The following DENND4C variants were observed in gnomAD, a reference collection of about 807,000 sequenced individuals.
The protein encoded by DENND4C is DENN domain containing 4C.
A neutral mutation model predicts 203.0 loss-of-function variants in DENND4C; 108 were observed. The ratio of observed to expected loss-of-function variants is 0.53; its 90% CI spans 0.46 to 0.62. The LOEUF (loss-of-function observed/expected upper bound fraction) is 0.62. DENND4C is among the 20% of genes least tolerant of loss of function. DENND4C has a pLI of 0.00. For missense variants in DENND4C, 2,481 were observed against 2,301.2 expected (o/e 1.08, Z -1.60); for synonymous variants, 871 against 792.4 (o/e 1.10, Z -1.67).
chr9:19,233,676 T>C (rs1299277283), intron 1 of DENND4C, among the ~76,000 whole-genome samples: 1 of 149,644 alleles, frequency 6.7e-6, no homozygotes, highest in Non-Finnish European at 1.5e-5. Flanking sequence ...TTCTCCTGCC[T>C]CTGCCTCCCA....
At chr9:19,351,583 G>T (rs1473324236) in intron 24 of DENND4C, among the ~76,000 whole-genome samples, 2 of 152,100 alleles carry the variant, frequency 1.3e-5, no homozygotes, top group African/African-American at 4.8e-5. Context: ...AAGGCGGGTG[G>T]ATTGCCTGAG....
At chr9:19,314,978 A>G (rs569464095) in intron 10 of DENND4C, among the ~76,000 whole-genome samples, 31 of 151,968 alleles carry the variant, frequency 2.0e-4, no homozygotes, top group Non-Finnish European at 3.7e-4. Context: ...CCTGGACAAC[A>G]TGATGAAACC....
chr9:19,330,197 G>A (rs1818751971), intron 16 of DENND4C, among the ~76,000 whole-genome samples: 1 of 151,416 alleles, frequency 6.6e-6, no homozygotes, highest in African/African-American at 2.4e-5. Context: ...CTCATTTATA[G>A]CAGAATTTTT....
chr9:19,279,362 T>C (rs1020547304), intron 2 of DENND4C, among the ~76,000 whole-genome samples: 1 of 145,250 alleles, frequency 6.9e-6, no homozygotes, highest in Non-Finnish European at 1.5e-5. Context: ...AGGCCAGGAG[T>C]TCACAAAAAA....
chr9:19,268,263 C>T (rs1489171539), intron 1 of DENND4C, among the ~76,000 whole-genome samples: 3 of 151,954 alleles, frequency 2.0e-5, no homozygotes, highest in South Asian at 2.1e-4. Context: ...CTATACCTGG[C>T]GAATTTTTGT....
chr9:19,246,488 C>A (rs1030208286), intron 1 of DENND4C, among the ~76,000 whole-genome samples: 1 of 152,150 alleles, frequency 6.6e-6, no homozygotes, highest in Non-Finnish European at 1.5e-5. Context: ...AAGCAATCCT[C>A]CCACCTTGGC....
At chr9:19,235,363 G>T (rs1019497803) in intron 1 of DENND4C, among the ~76,000 whole-genome samples, 2 of 152,196 alleles carry the variant, frequency 1.3e-5, no homozygotes, top group African/African-American at 4.8e-5. Flanking sequence ...AAGGTGAAAG[G>T]CTGTAGATGT....
Position 19,332,191 on chromosome 9 carries a change from A to G in DENND4C, c.2460+7A>G, listed in dbSNP as rs1235328811. 3 of 1,611,284 alleles carry G rather than the reference A, an allele frequency of 1.9e-6. No homozygotes were observed. The highest frequency in any genetic ancestry group is 1.7e-5 in the Admixed American group (1 of 59,796). ...TGTGGATCCCTTAGATGAGGCAAGT[A>G]TAACAAATTGACATTGTTTCTAAGG... On this transcript the variant is annotated splice_region_variant and intron_variant, in intron 17 of 32. Transcript: ENST00000434457.
chr9:19,352,007 G>A, intron 24 of DENND4C, 66 bp from the exon 25 acceptor site: 2 of 1,310,414 alleles, frequency 1.5e-6, no homozygotes, highest in Non-Finnish European at 2.2e-6. Context: ...TAAATACTTT[G>A]GCATGCATTT....
intron 2 of DENND4C, among the ~76,000 whole-genome samples, chr9:19,283,051 A>G (rs891945786): frequency 3.3e-5 from 5 of 151,750 alleles, no homozygotes; most frequent in Non-Finnish European, 7.4e-5. Context: ...AATTTTTTGC[A>G]AAGATGAGGT....
At chr9:19,283,674 C>G (rs1005982101) in intron 2 of DENND4C, among the ~76,000 whole-genome samples, 2 of 148,526 alleles carry the variant, frequency 1.3e-5, no homozygotes, top group African/African-American at 5.0e-5. Context: ...TGCAATGACC[C>G]GATCTTGGCT....
chr9:19,258,151 A>G (rs73425070), intron 1 of DENND4C, among the ~76,000 whole-genome samples: 4,511 of 152,192 alleles, frequency 0.03, 220 homozygotes, highest in African/African-American at 0.1. Context: ...CTATCTATCA[A>G]TCAAGAAGAA....
At chr9:19,325,864 C>G (rs1817706047) in intron 13 of DENND4C, 75 bp from the exon 14 acceptor site, 3 of 1,436,120 alleles carry the variant, frequency 2.1e-6, no homozygotes, top group Non-Finnish European at 2.9e-6. Flanking sequence ...TTTTCTAAAT[C>G]AGAATGTAAG....
intron 1 of DENND4C, among the ~76,000 whole-genome samples, chr9:19,272,363 T>G (rs770213810): frequency 6.6e-6 from 1 of 151,442 alleles, no homozygotes; most frequent in Admixed American, 6.6e-5. Flanking sequence ...GAGGTTGCAG[T>G]GAGCCGAGAT....
rs1164655023 is a variant in DENND4C, at chr9:19,374,065, C to G, written c.*1892C>G. ...AGTTTTAATACTTAACACTTACTGA[C>G]CCAACAGAAGTTTGGAATTACCTTG... is the stretch of plus-strand genomic sequence containing the variant. On this transcript the variant is annotated 3_prime_UTR_variant, in exon 33 of 33. Transcript: ENST00000434457. 1.3e-5 allele frequency among the ~76,000 whole-genome samples: 2 copies of G among 152,078 alleles called. No homozygotes were observed. The highest frequency in any genetic ancestry group is 2.4e-5 in the African/African-American group (1 of 41,412).
rs767948574 is a variant in DENND4C, at chr9:19,335,113, G to A, written c.2589+8G>A. On this transcript the variant is annotated splice_region_variant and intron_variant, in intron 18 of 32. Coordinates refer to ENST00000434457, the MANE Select transcript of DENND4C (RefSeq NM_001330640.2). ...TATGGTTATTATAATAAGGTAAGTA[G>A]GATCGACATTAGGCAAGATGTGGTG... The A allele has an allele frequency of 6.4e-7, 1 of 1,559,128 alleles. No homozygotes were observed. Among genetic ancestry groups the A allele is most frequent in the South Asian group, 1.2e-5 (1 of 80,544 alleles).
At chr9:19,347,673 A>G (rs1472670355) in intron 23 of DENND4C, among the ~76,000 whole-genome samples, 1 of 152,252 alleles carries the variant, frequency 6.6e-6, no homozygotes, top group Non-Finnish European at 1.5e-5. Flanking sequence ...ATGTAGAAAT[A>G]GAATATTGGG....
intron 21 of DENND4C, among the ~76,000 whole-genome samples, chr9:19,342,124 C>CAAAA (rs34191941): frequency 1.8e-4 from 11 of 61,860 alleles, no homozygotes; most frequent in African/African-American, 5.5e-4. Context: ...GACTCCATCT[C>CAAAA]AAAAAAAAAA....
intron 1 of DENND4C, among the ~76,000 whole-genome samples, chr9:19,255,034 C>A (rs531567568): frequency 1.3e-5 from 2 of 152,052 alleles, no homozygotes; most frequent in East Asian, 3.9e-4. Flanking sequence ...ATTCCAGCGA[C>A]TCGGGAGACT....
Sources: allele counts gnomAD v4.1 joint callset (sites outside exome capture counted in the v4.1 genomes callset), GRCh38; gene constraint gnomAD v4.1.1; transcripts MANE v1.5; gene names NCBI Gene and HGNC (gene_info 2026-07-23, HGNC 2026-07-21).